Variants in ADH1A observed in about 807,000 individuals in gnomAD.
ADH1A encodes alcohol dehydrogenase 1A.
A neutral mutation model predicts 35.2 loss-of-function variants in ADH1A; 29 were observed. That is an observed-to-expected ratio of 0.82 (90% CI 0.61 to 1.12). ADH1A has a LOEUF of 1.12. Ranked by LOEUF, ADH1A falls within the 50% of genes most tolerant of loss-of-function variation. The pLI is 0.00. For synonymous variants in ADH1A, 147 were observed against 164.8 expected (o/e 0.89, Z 0.83); for missense variants, 469 against 464.7 (o/e 1.01, Z -0.09).
chr4:99,279,690 TA>T, intron 7 of ADH1A, 126 bp from the exon 8 acceptor site: 1 of 1,170,698 alleles, frequency 8.5e-7, no homozygotes, highest in Non-Finnish European at 1.2e-6. Context: ...CTGAGGTTAA[TA>T]AGAGATACAG....
In ADH1A at chr4:99,284,723, T is replaced by A; in HGVS notation, c.340A>T (p.Lys114Ter). 6.2e-7 allele frequency: 1 copy of A among 1,614,180 alleles called. No homozygotes were observed. Among genetic ancestry groups the A allele is most frequent in the Non-Finnish European group, 8.5e-7 (1 of 1,180,002 alleles). Residue 114 changes from lysine (K) to a stop codon, truncating the protein, a stop_gained, in exon 4 of 9, where the codon AAA becomes TAA. Coordinates refer to ENST00000209668, the MANE Select transcript of ADH1A (RefSeq NM_000667.4). LOFTEE classifies it high-confidence loss of function. ...AGAGCATCAGAAACCTACTCGTTTT[T>A]CAAGCAGTAGTTGCTCTCCGGGTTT... ...CKNPESNYCL[K>*]NDVSNPQGTL...
intron 6 of ADH1A, 126 bp downstream of exon 6, chr4:99,282,220 A>T: frequency 6.3e-7 from 1 of 1,578,374 alleles, no homozygotes; most frequent in Non-Finnish European, 8.7e-7. Flanking sequence ...CAGGTAACAA[A>T]CAGATGATGG....
chr4:99,287,118 A>G (rs1733171962), intron 2 of ADH1A, 130 bp from the exon 3 acceptor site: 1 of 1,170,370 alleles, frequency 8.5e-7, no homozygotes. Flanking sequence ...TATCCCAAGT[A>G]TGAAAGATTC....
At chr4:99,279,278 C>T in intron 8 of ADH1A, 148 bp downstream of exon 8, 2 of 1,110,858 alleles carry the variant, frequency 1.8e-6, no homozygotes, top group East Asian at 2.9e-5. Flanking sequence ...TTAAACTTCT[C>T]TTACAAGCTC....
chr4:99,290,855 T>G (rs759997441), intron 1 of ADH1A, 42 bp downstream of exon 1: 4 of 1,580,742 alleles, frequency 2.5e-6, no homozygotes, highest in Non-Finnish European at 3.5e-6. Flanking sequence ...TTTGTTATAT[T>G]GATGAGAATA....
intron 6 of ADH1A, among the ~76,000 whole-genome samples, chr4:99,280,636 A>G (rs1163700857): frequency 1.3e-5 from 2 of 152,100 alleles, no homozygotes; most frequent in Non-Finnish European, 2.9e-5. Context: ...TGGTTAATTC[A>G]TTTTTCATTG....
chr4:99,282,024 A>C, intron 6 of ADH1A: 1 of 336,044 alleles, frequency 3.0e-6, no homozygotes, highest in Non-Finnish European at 5.4e-6. Context: ...CAATTTGAGA[A>C]CAGAACTTGT....
At chr4:99,289,905 C>G (rs1240906693) in intron 1 of ADH1A, among the ~76,000 whole-genome samples, 1 of 152,112 alleles carries the variant, frequency 6.6e-6, no homozygotes, top group East Asian at 1.9e-4. Flanking sequence ...GGAATAAGAA[C>G]AGTAACAATG....
intron 2 of ADH1A, among the ~76,000 whole-genome samples, chr4:99,287,300 A>G (rs1403054168): frequency 6.6e-6 from 1 of 152,208 alleles, no homozygotes; most frequent in Non-Finnish European, 1.5e-5. Flanking sequence ...TTAATACATA[A>G]AAATATCTAA....
chr4:99,278,950 T>C (rs1211422027), intron 8 of ADH1A, among the ~76,000 whole-genome samples: 1 of 152,102 alleles, frequency 6.6e-6, no homozygotes, highest in Admixed American at 6.6e-5. Flanking sequence ...AAGAAAAAAC[T>C]AGTAATATCT....
chr4:99,290,811 T>C, intron 1 of ADH1A, 86 bp downstream of exon 1: 1 of 1,384,804 alleles, frequency 7.2e-7, no homozygotes, highest in East Asian at 2.3e-5. Context: ...TAGATATGAA[T>C]TTTAAATGAT....
At position 99,287,650 on chromosome 4, in the gene ADH1A, C is replaced by T; in HGVS notation, c.34G>A (p.Ala12Thr). Residue 12 changes from alanine to threonine, a missense_variant, in exon 2 of 9, where the codon GCA becomes ACA. By Grantham distance (58) the Ala-to-Thr change is moderately conservative (BLOSUM62 0). Coordinates refer to ENST00000209668, the MANE Select transcript of ADH1A (RefSeq NM_000667.4). ...TTCTTTAACTCCCATAGCACAGCTG[C>T]TTTGCATTTGATTACCTAGAAAAGC... Reference protein sequence around the residue: ...STAGKVIKCKAAVLWELKKPF... With the variant: ...STAGKVIKCKTAVLWELKKPF... The T allele has an allele frequency of 6.2e-7, 1 of 1,613,986 alleles. No individual in the cohort carries two copies. Among genetic ancestry groups the T allele is most frequent in the Non-Finnish European group, 8.5e-7 (1 of 1,179,908 alleles).
chr4:99,277,898 A>G (rs1462490217), intron 8 of ADH1A, among the ~76,000 whole-genome samples: 1 of 152,056 alleles, frequency 6.6e-6, no homozygotes, highest in Non-Finnish European at 1.5e-5. Flanking sequence ...TGTAGAATAG[A>G]TTTCTAGAAA....
intron 5 of ADH1A, among the ~76,000 whole-genome samples, chr4:99,283,727 A>G (rs977153863): frequency 1.3e-5 from 2 of 152,156 alleles, no homozygotes; most frequent in Non-Finnish European, 2.9e-5. Context: ...AATAAAGCAT[A>G]CTACTAGATT....
Position 99,284,777 on chromosome 4 carries a change from G to T in ADH1A, c.286C>A (p.Pro96Thr). Residue 96 changes from proline to threonine, a missense_variant, in exon 4 of 9, where the codon CCT becomes ACT. Physicochemically the swap from Pro to Thr is conservative, Grantham distance 38. Coordinates refer to ENST00000209668, the MANE Select transcript of ADH1A (RefSeq NM_000667.4). ...PGDKVIPLAI[P>T]QCGKCRICKN... ...CAAATTCTGCATTTTCCACACTGAGGAATAGCGAGTGGGATGACTTTATCA... is the reference window on the plus strand; with the variant it reads ...CAAATTCTGCATTTTCCACACTGAGTAATAGCGAGTGGGATGACTTTATCA... 1 of 1,614,154 alleles carries T rather than the reference G, an allele frequency of 6.2e-7. No homozygotes were observed. The highest frequency in any genetic ancestry group is 8.5e-7 in the Non-Finnish European group (1 of 1,180,016).
In ADH1A at chr4:99,279,426, C is replaced by G; in HGVS notation, c.1103G>C (p.Ser368Thr). Reference sequence around the variant, plus strand: ...ACAGAAAACTAACTAAAAAATCTACCTTTTCCCAGAGTGAAGCAGGTCAAA... The same window carrying G: ...ACAGAAAACTAACTAAAAAATCTACGTTTTCCCAGAGTGAAGCAGGTCAAA... ...EGFDLLHSGK[S>T]IRTILMF The change falls in exon 8 of 9, where the codon AGT becomes ACT. Residue 368 changes from serine to threonine, a missense_variant and splice_region_variant. Transcript: ENST00000209668. 2.5e-6 allele frequency: 4 copies of G among 1,588,440 alleles called. No individual in the cohort carries two copies. Among genetic ancestry groups the G allele is most frequent in the Non-Finnish European group, 3.4e-6 (4 of 1,172,814 alleles).
intron 8 of ADH1A, among the ~76,000 whole-genome samples, chr4:99,276,870 G>T (rs1457608473): frequency 6.6e-6 from 1 of 152,096 alleles, no homozygotes; most frequent in Non-Finnish European, 1.5e-5. Flanking sequence ...TTCTGAGTAT[G>T]CCTGTCATTT....
At chr4:99,278,935 G>C (rs904066190) in intron 8 of ADH1A, among the ~76,000 whole-genome samples, 1 of 151,700 alleles carries the variant, frequency 6.6e-6, no homozygotes, top group Admixed American at 6.6e-5. Flanking sequence ...AGAAAAAAAA[G>C]GAAAAAGAAA....
intron 3 of ADH1A, among the ~76,000 whole-genome samples, chr4:99,285,090 A>G (rs1304530267): frequency 6.6e-6 from 1 of 152,216 alleles, no homozygotes; most frequent in Non-Finnish European, 1.5e-5. Flanking sequence ...CATGTGGTGT[A>G]CCAATTTCTC....
Sources: gnomAD v4.1 joint callset for allele counts (sites outside exome capture counted in the v4.1 genomes callset) on GRCh38, gnomAD v4.1.1 for gene constraint, MANE v1.5 for transcripts, NCBI Gene and HGNC (gene_info 2026-07-23, HGNC 2026-07-21) for gene names.